TMEM132C: variants seen among roughly 807,000 people sequenced by gnomAD.
The protein encoded by TMEM132C is transmembrane protein 132C, also known as protein phosphatase 1, regulatory subunit 152.
TMEM132C carries 29 observed loss-of-function variants against 61.4 expected under a neutral mutation model. That is an observed-to-expected ratio of 0.47 (90% CI 0.35 to 0.64). TMEM132C has a LOEUF of 0.64. Among genes scored for constraint, TMEM132C ranks in the 30% least tolerant of loss-of-function variants. The probability of loss-of-function intolerance (pLI) is 0.00; values close to 1 mark genes in which losing one functional copy is unlikely to be tolerated. For missense variants in TMEM132C, 1,408 were observed against 1,476.9 expected, an observed-to-expected ratio of 0.95 and a Z score of 0.76; for synonymous variants, 656 against 633.1, an observed-to-expected ratio of 1.04 and a Z score of -0.54.
intron 4 of TMEM132C, among the ~76,000 whole-genome samples, chr12:128,625,608 T>C (rs993873006): frequency 3.5e-4 from 53 of 152,198 alleles, no homozygotes; most frequent in African/African-American, 1.2e-3. Context: ...AAACCCCTTA[T>C]AAAACCAACA....
chr12:128,319,929 T>A (rs1171350383), intron 1 of TMEM132C, among the ~76,000 whole-genome samples: 1 of 152,112 alleles, frequency 6.6e-6, no homozygotes, highest in Non-Finnish European at 1.5e-5. Context: ...CTGCTCTGTG[T>A]GAGATCTTGG....
chr12:128,452,703 C>CA (rs566423371), intron 2 of TMEM132C, among the ~76,000 whole-genome samples: 2,499 of 148,442 alleles, frequency 0.017, 54 homozygotes, highest in African/African-American at 0.059. Flanking sequence ...GACTCCATCT[C>CA]AAAAAAAAAC....
intron 1 of TMEM132C, among the ~76,000 whole-genome samples, chr12:128,281,185 C>T (rs755145827): frequency 2.0e-5 from 3 of 152,312 alleles, no homozygotes; most frequent in South Asian, 2.1e-4. Context: ...CAAGGATAAG[C>T]AAACATCATG....
At chr12:128,535,777 A>G (rs1350348640) in intron 2 of TMEM132C, among the ~76,000 whole-genome samples, 1 of 152,088 alleles carries the variant, frequency 6.6e-6, no homozygotes, top group Admixed American at 6.5e-5. Flanking sequence ...CTGAGGCAGG[A>G]GAATGGCATG....
rs570217457 is a variant in TMEM132C at position 128,571,910 on chromosome 12, A to G, written c.1121+27807A>G. Among the ~76,000 whole-genome samples, 3 of 152,372 alleles carry G rather than the reference A, an allele frequency of 2.0e-5. No homozygotes were observed. The South Asian group carries it at 6.2e-4, about 32-fold the overall frequency. On this transcript the variant is annotated intron_variant, in intron 3 of 8. Coordinates refer to ENST00000435159, the MANE Select transcript of TMEM132C (RefSeq NM_001136103.3). ...TAGATATAAATCAAGTGAAAAAGCC[A>G]TGACTGCTCCTCCACTGTTCACACA... is the stretch of plus-strand genomic sequence containing the variant.
At chr12:128,553,626 C>T (rs950667243) in intron 3 of TMEM132C, among the ~76,000 whole-genome samples, 2 of 152,168 alleles carry the variant, frequency 1.3e-5, no homozygotes, top group African/African-American at 4.8e-5. Context: ...TGTTTGTTCT[C>T]AGCGTTTTAG....
intron 1 of TMEM132C, among the ~76,000 whole-genome samples, chr12:128,364,436 A>T (rs1873802432): frequency 6.6e-6 from 1 of 151,898 alleles, no homozygotes; most frequent in South Asian, 2.1e-4. Context: ...CCCGTCGCTC[A>T]CACAGGGCAC....
intron 4 of TMEM132C, among the ~76,000 whole-genome samples, chr12:128,624,303 T>C (rs1286800123): frequency 2.0e-5 from 3 of 152,008 alleles, no homozygotes; most frequent in Non-Finnish European, 4.4e-5. Flanking sequence ...CCCAGCACTT[T>C]GGGAGCCCGA....
intron 2 of TMEM132C, among the ~76,000 whole-genome samples, chr12:128,457,122 A>C (rs1324775548): frequency 6.6e-6 from 1 of 152,038 alleles, no homozygotes; most frequent in Non-Finnish European, 1.5e-5. Flanking sequence ...TTTTGTGTGG[A>C]TACATGTTTT....
In TMEM132C at chr12:128,706,056, G is replaced by C. The variant is rs373406957; in HGVS notation, c.3088G>C (p.Asp1030His). 6.4e-7 allele frequency: 1 copy of C among 1,551,666 alleles called. No homozygotes were observed. Among genetic ancestry groups the C allele is most frequent in the Non-Finnish European group, 8.7e-7 (1 of 1,146,990 alleles). The stretch of plus-strand genomic sequence containing the variant: ...GCAGAGCCAGATTCACAGGTCAGCC[G>C]ACTCCGGGGGGCGGCAGGGCAGAGA... ...HVQSQIHRSADSGGRQGREQK... is the reference protein window; with the variant it reads ...HVQSQIHRSAHSGGRQGREQK... The change falls in exon 9 of 9, where the codon GAC becomes CAC. Residue 1030 changes from aspartate (D) to histidine (H), a missense_variant. By Grantham distance (81) the Asp-to-His change is moderately conservative. Transcript: ENST00000435159.
chr12:128,649,863 C>G (rs1017718392), intron 4 of TMEM132C, among the ~76,000 whole-genome samples: 1 of 152,170 alleles, frequency 6.6e-6, no homozygotes, highest in Non-Finnish European at 1.5e-5. Flanking sequence ...GAAATGGATT[C>G]TCTATCTTGT....
rs1216181396 is a variant in TMEM132C at position 128,402,127 on chromosome 12, C to T, written c.86-12605C>T. The stretch of plus-strand genomic sequence containing the variant: ...GGCTTAGAAGAGAGAGACTCCAAGC[C>T]GAGGACTGCAGGTGACCTCCAGAAA... On this transcript the variant is annotated intron_variant, in intron 1 of 8. Coordinates refer to ENST00000435159, the MANE Select transcript of TMEM132C (RefSeq NM_001136103.3). Among the ~76,000 whole-genome samples, 5 of 152,090 alleles carry T rather than the reference C, an allele frequency of 3.3e-5. No homozygotes were observed. In the East Asian group the frequency reaches 5.8e-4, roughly 18 times the overall value.
intron 4 of TMEM132C, among the ~76,000 whole-genome samples, chr12:128,626,842 C>T (rs1954022088): frequency 6.6e-6 from 1 of 152,186 alleles, no homozygotes; most frequent in Non-Finnish European, 1.5e-5. Context: ...TCTCAGACCT[C>T]ACCTGCTAGC....
chr12:128,635,731 C>A (rs970700494), intron 4 of TMEM132C, among the ~76,000 whole-genome samples: 3 of 152,150 alleles, frequency 2.0e-5, no homozygotes, highest in Non-Finnish European at 4.4e-5. Flanking sequence ...GGGCAACTTA[C>A]AGTTTTATTT....
chr12:128,423,870 TAAAA>T (rs936703980), intron 2 of TMEM132C, among the ~76,000 whole-genome samples: 2 of 150,828 alleles, frequency 1.3e-5, no homozygotes, highest in South Asian at 2.1e-4. Context: ...CATCTCTACT[TAAAA>T]GAAAGAAAGA....
At chr12:128,615,502 G>C (rs1238048555) in intron 3 of TMEM132C, among the ~76,000 whole-genome samples, 1 of 152,198 alleles carries the variant, frequency 6.6e-6, no homozygotes, top group Non-Finnish European at 1.5e-5. Context: ...ATGGGAGACA[G>C]TGACAGATCA....
chr12:128,639,630 T>G (rs1593129725), intron 4 of TMEM132C, among the ~76,000 whole-genome samples: 1 of 152,160 alleles, frequency 6.6e-6, no homozygotes, highest in Non-Finnish European at 1.5e-5. Context: ...TGAGAGCAGT[T>G]CCCAAAGGTG....
At chr12:128,488,338 T>C (rs927559726) in intron 2 of TMEM132C, among the ~76,000 whole-genome samples, 10 of 152,224 alleles carry the variant, frequency 6.6e-5, no homozygotes, top group Non-Finnish European at 1.5e-4. Flanking sequence ...AAATTAACAT[T>C]ATGCATATAA....
chr12:128,301,669 C>T (rs891061197), intron 1 of TMEM132C, among the ~76,000 whole-genome samples: 4 of 152,098 alleles, frequency 2.6e-5, no homozygotes, highest in East Asian at 3.9e-4. Flanking sequence ...GAAAGAGTTC[C>T]GTTTCATTTG....
Sources: allele counts gnomAD v4.1 joint callset (sites outside exome capture counted in the v4.1 genomes callset), GRCh38; gene constraint gnomAD v4.1.1; transcripts MANE v1.5; gene names NCBI Gene and HGNC (gene_info 2026-07-23, HGNC 2026-07-21).